The following SOX5 variants were observed in gnomAD, a reference collection of about 807,000 sequenced individuals.
SOX5 encodes transcription factor SOX-5.
A neutral mutation model predicts 92.0 loss-of-function variants in SOX5; 9 were observed. That is an observed-to-expected ratio of 0.10 (90% CI 0.06 to 0.17). The LOEUF (loss-of-function observed/expected upper bound fraction) is 0.17. SOX5 is among the 10% of genes least tolerant of loss of function. The pLI is 1.00. For missense variants in SOX5, 642 were observed against 944.5 expected (o/e 0.68, Z 4.20); for synonymous variants, 344 against 336.3 (o/e 1.02, Z -0.25).
In SOX5 at chr12:23,604,682, C is replaced by G. The variant is rs2094625093; in HGVS notation, c.1018-149G>C. The G allele has an allele frequency of 1.6e-5, 11 of 708,136 alleles. No individual in the cohort carries two copies. In the South Asian group the frequency reaches 1.6e-4, roughly 10 times the overall value. 43.9% of individuals were successfully genotyped at this position (708,136 alleles called of 1,614,324 possible). A position where few individuals can be genotyped will look rare whatever the true frequency, so the allele number is the denominator to read the frequency against. ...GAATATTTAAAGAAAGAAGCTGTCA[C>G]CTCAGATTTCATTACTTTTTAGGGG... is the stretch of plus-strand genomic sequence containing the variant. On this transcript the variant is annotated intron_variant, in intron 8 of 14. Coordinates refer to ENST00000451604, the MANE Select transcript of SOX5 (RefSeq NM_006940.6).
intron 11 of SOX5, among the ~76,000 whole-genome samples, chr12:23,547,853 G>T (rs1943431239): frequency 6.6e-6 from 1 of 152,082 alleles, no homozygotes; most frequent in South Asian, 2.1e-4. Context: ...TGTTTTGTGT[G>T]TGAAGTTGTT....
chr12:24,054,841 A>G (rs1420138870), intron 4 of SOX5, among the ~76,000 whole-genome samples: 7 of 152,222 alleles, frequency 4.6e-5, no homozygotes, highest in African/African-American at 1.4e-4. Flanking sequence ...GAGAAGAGGT[A>G]TAACCTTGTT....
At chr12:23,723,676 CA>C (rs1438157378) in intron 6 of SOX5, among the ~76,000 whole-genome samples, 2 of 148,588 alleles carry the variant, frequency 1.3e-5, no homozygotes, top group African/African-American at 5.0e-5. Flanking sequence ...AGTAAATGAT[CA>C]AAAAAAGATA....
chr12:24,247,533 G>T (rs977045663), intron 3 of SOX5, among the ~76,000 whole-genome samples: 14 of 152,236 alleles, frequency 9.2e-5, no homozygotes, highest in African/African-American at 3.1e-4. Context: ...AAAGAACAGA[G>T]CCTGGTGTGG....
chr12:23,752,511 G>C (rs941909680), intron 4 of SOX5, among the ~76,000 whole-genome samples: 6 of 151,850 alleles, frequency 4.0e-5, no homozygotes, highest in African/African-American at 1.2e-4. Context: ...AGCCGACATG[G>C]ATCCCCAGAT....
chr12:23,880,785 C>A (rs2096980007), intron 2 of SOX5, among the ~76,000 whole-genome samples: 1 of 152,110 alleles, frequency 6.6e-6, no homozygotes, highest in Admixed American at 6.5e-5. Context: ...CCAAGCAAAT[C>A]TTACGGAAAG....
At chr12:24,233,500 T>C (rs1467474244) in intron 3 of SOX5, among the ~76,000 whole-genome samples, 2 of 152,044 alleles carry the variant, frequency 1.3e-5, no homozygotes, top group South Asian at 2.1e-4. Context: ...ATTGTGAAAA[T>C]GTGGAAAAGG....
chr12:24,446,835 CA>C (rs1171874741), intron 1 of SOX5, among the ~76,000 whole-genome samples: 1 of 152,128 alleles, frequency 6.6e-6, no homozygotes, highest in African/African-American at 2.4e-5. Flanking sequence ...CATGAGTGAG[CA>C]GCAGCACAGA....
At chr12:23,819,903 G>A (rs1378560971) in intron 3 of SOX5, among the ~76,000 whole-genome samples, 3 of 152,154 alleles carry the variant, frequency 2.0e-5, no homozygotes, top group Non-Finnish European at 4.4e-5. Flanking sequence ...GTGTGCATGT[G>A]TCTTTACAGT....
intron 8 of SOX5, among the ~76,000 whole-genome samples, chr12:23,627,441 A>G (rs2077976236): frequency 1.3e-5 from 2 of 152,178 alleles, no homozygotes; most frequent in Admixed American, 1.3e-4. Context: ...ATACTGCAGA[A>G]TATAATTTCT....
intron 1 of SOX5, among the ~76,000 whole-genome samples, chr12:24,483,994 C>A (rs1396726316): frequency 3.3e-5 from 5 of 152,076 alleles, no homozygotes; most frequent in Admixed American, 3.3e-4. Context: ...CATTACATTC[C>A]AAGTTTGTAT....
rs1045799373 is a variant in SOX5 at position 24,287,644 on chromosome 12, T to G, written c.-173-10332A>C. Reference sequence around the variant, plus strand: ...CAGTGCCCCAGGGTTCTTCTAGTTATTTTCAAGGAATGCTCTAAAATTTTC... The same window carrying G: ...CAGTGCCCCAGGGTTCTTCTAGTTAGTTTCAAGGAATGCTCTAAAATTTTC... On this transcript the variant is annotated intron_variant, in intron 2 of 4. Transcript: ENST00000446891. 4.6e-5 allele frequency among the ~76,000 whole-genome samples: 7 copies of G among 150,934 alleles called. 1 individual carries two copies. The highest frequency in any genetic ancestry group is 4.6e-4 in the Admixed American group (7 of 15,154).
intron 1 of SOX5, among the ~76,000 whole-genome samples, chr12:24,495,038 A>C (rs1181220191): frequency 1.3e-5 from 2 of 152,190 alleles, no homozygotes; most frequent in South Asian, 2.1e-4. Context: ...ATCAACTATA[A>C]CTACTTTTGT....
chr12:23,879,360 A>T (rs921838146), intron 2 of SOX5, among the ~76,000 whole-genome samples: 1 of 152,186 alleles, frequency 6.6e-6, no homozygotes, highest in African/African-American at 2.4e-5. Flanking sequence ...AATTAACAGG[A>T]AGAAAAAGGA....
In SOX5 at chr12:24,039,089, A is replaced by C. The variant is rs555752560; in HGVS notation, c.-1-143065T>G. Among the ~76,000 whole-genome samples, 26 of 152,262 alleles carry C rather than the reference A, an allele frequency of 1.7e-4. 1 individual carries two copies. The East Asian group carries it at 4.8e-3, about 28-fold the overall frequency. On this transcript the variant is annotated intron_variant, in intron 4 of 4. Transcript: ENST00000446891. Reference sequence around the variant, plus strand: ...ACTTAAGAAACTCTCCCCCTTTCCCATATCCCTGGCAGGATAAAATAGCAT... The same window carrying C: ...ACTTAAGAAACTCTCCCCCTTTCCCCTATCCCTGGCAGGATAAAATAGCAT...
intron 1 of SOX5, among the ~76,000 whole-genome samples, chr12:23,921,382 T>TAA (rs549366167): frequency 2.1e-5 from 3 of 142,054 alleles, no homozygotes; most frequent in Admixed American, 7.1e-5. Flanking sequence ...ATATGATCTT[T>TAA]AAAAAAAAAA....
intron 1 of SOX5, among the ~76,000 whole-genome samples, chr12:24,430,783 T>A (rs1300336970): frequency 6.6e-6 from 1 of 152,122 alleles, no homozygotes; most frequent in Non-Finnish European, 1.5e-5. Flanking sequence ...ATCTCCTTTG[T>A]CAGCCACAAG....
At chr12:24,505,836 T>TGTGTGTGTGTGTGC (rs1555327727) in intron 1 of SOX5, among the ~76,000 whole-genome samples, 10 of 101,530 alleles carry the variant, frequency 9.8e-5, no homozygotes, top group African/African-American at 4.2e-4. Context: ...GGTATGTGTG[T>TGTGTGTGTGTGTGC]GTGTGTGTGT....
At chr12:23,933,112 A>G (rs776557079) in intron 1 of SOX5, among the ~76,000 whole-genome samples, 2 of 151,624 alleles carry the variant, frequency 1.3e-5, no homozygotes, top group Non-Finnish European at 3.0e-5. Context: ...TCATTTACCT[A>G]CAGTCAACCA....
Sources: allele counts gnomAD v4.1 joint callset (sites outside exome capture counted in the v4.1 genomes callset), GRCh38; gene constraint gnomAD v4.1.1; transcripts MANE v1.5; gene names NCBI Gene and HGNC (gene_info 2026-07-23, HGNC 2026-07-21).